Variants in CCDC180 observed in about 807,000 individuals in gnomAD.
The protein encoded by CCDC180 is coiled-coil domain containing 180, also known as coiled-coil domain-containing protein 180.
Under a neutral mutation model 209.2 loss-of-function variants are expected in CCDC180, and 154 were observed. The observed-to-expected ratio is 0.74, with a 90% confidence interval of 0.65 to 0.84. The LOEUF is 0.84. Among genes scored for constraint, CCDC180 ranks in the 40% least tolerant of loss-of-function variants. The pLI is 0.00. For synonymous variants in CCDC180, 778 were observed against 749.1 expected, an observed-to-expected ratio of 1.04 and a Z score of -0.63; for missense variants, 1,874 against 1,997.3, an observed-to-expected ratio of 0.94 and a Z score of 1.18.
rs80117659 is a variant in CCDC180 at position 97,343,582 on chromosome 9, T to C, written c.2498+19T>C. The C allele has an allele frequency of 6.5e-7, 1 of 1,533,084 alleles. No individual in the cohort carries two copies. Among genetic ancestry groups the C allele is most frequent in the Admixed American group, 1.7e-5 (1 of 59,658 alleles). The allele number at this position is 1,533,084 out of a possible 1,614,324, so 95.0% of individuals were successfully genotyped here. On this transcript the variant is annotated intron_variant, in intron 19 of 36. Coordinates refer to ENST00000529487, the MANE Select transcript of CCDC180 (RefSeq NM_020893.6). ...AGAAACAGTGAGTAAAAAACTATTTTATTCTCATCCTGTTGTTCTGAGTTT... is the reference window on the plus strand; with the variant it reads ...AGAAACAGTGAGTAAAAAACTATTTCATTCTCATCCTGTTGTTCTGAGTTT...
At chr9:97,324,055 C>G in intron 13 of CCDC180, 152 bp downstream of exon 13, 1 of 866,942 alleles carries the variant, frequency 1.2e-6, no homozygotes, top group Admixed American at 2.9e-5. Context: ...AGCCCCCTTA[C>G]GCTGGCCACT....
At position 97,317,211 on chromosome 9, in the gene CCDC180, C is replaced by T; in HGVS notation, c.942C>T (p.Ala314=). 6.2e-7 allele frequency: 1 copy of T among 1,600,608 alleles called. No homozygotes were observed. Among genetic ancestry groups the T allele is most frequent in the Non-Finnish European group, 8.5e-7 (1 of 1,170,082 alleles). The part of the protein sequence containing the change: ...VDTWKALKKE[A]LLQSFSEFMA... ...CCTGGAAGGCTCTCAAGAAGGAGGC[C>T]CTGCTGCAGAGTTTCAGGTCAGTGC... is the stretch of plus-strand genomic sequence containing the variant. The change falls in exon 9 of 37, where the codon GCC becomes GCT. Residue 314 remains alanine, a synonymous_variant. Coordinates refer to ENST00000529487, the MANE Select transcript of CCDC180 (RefSeq NM_020893.6).
chr9:97,362,515 C>T lies in CCDC180; in HGVS notation c.3902+74C>T, dbSNP rs953053077. The T allele has an allele frequency of 3.9e-6, 6 of 1,549,286 alleles. No homozygotes were observed. In the South Asian group the frequency reaches 7.5e-5, roughly 19 times the overall value. On this transcript the variant is annotated intron_variant, in intron 28 of 36. Coordinates refer to ENST00000529487, the MANE Select transcript of CCDC180 (RefSeq NM_020893.6). ...CACAAAGGCAGGAGATGACCTATGG[C>T]TTTCCCAGGCTTTTCCTCAGAAGGC...
At chr9:97,337,428 G>T (rs10981680) in intron 18 of CCDC180, among the ~76,000 whole-genome samples, 82,730 of 151,480 alleles carry the variant, frequency 0.55, 23,956 homozygotes, top group African/African-American at 0.73. Flanking sequence ...AATCATGTGG[G>T]TTTTGTCTTT....
At chr9:97,337,788 G>A (rs564684392) in intron 18 of CCDC180, among the ~76,000 whole-genome samples, 47 of 152,216 alleles carry the variant, frequency 3.1e-4, no homozygotes, top group African/African-American at 1.1e-3. Context: ...GAATCCATCT[G>A]GTCCTGGACA....
chr9:97,320,276 A>C, intron 11 of CCDC180, 71 bp downstream of exon 11: 3 of 1,373,798 alleles, frequency 2.2e-6, no homozygotes, highest in Non-Finnish European at 3.1e-6. Flanking sequence ...GCTGAAGCTC[A>C]GCCAAATGAG....
At chr9:97,374,326 G>A (rs1446695636) in intron 34 of CCDC180, 6 of 540,592 alleles carry the variant, frequency 1.1e-5, no homozygotes, top group African/African-American at 3.8e-5. Flanking sequence ...CCACACCACC[G>A]CTTAGATTCC....
At chr9:97,337,571 T>G (rs1564160127) in intron 18 of CCDC180, among the ~76,000 whole-genome samples, 1 of 152,218 alleles carries the variant, frequency 6.6e-6, no homozygotes, top group Non-Finnish European at 1.5e-5. Context: ...TTGCCAGTAT[T>G]TTATTGAGGA....
At chr9:97,331,951 CT>C (rs1411121878) in intron 18 of CCDC180, among the ~76,000 whole-genome samples, 1 of 152,168 alleles carries the variant, frequency 6.6e-6, no homozygotes, top group Non-Finnish European at 1.5e-5. Flanking sequence ...CTTTTGGCAT[CT>C]TCATCATGAA....
intron 10 of CCDC180, among the ~76,000 whole-genome samples, chr9:97,319,562 T>G (rs2118594103): frequency 6.6e-6 from 1 of 152,324 alleles, no homozygotes; most frequent in Admixed American, 6.5e-5. Context: ...TAGCTCCCAC[T>G]TGTGAGAAGC....
At chr9:97,346,080 T>G (rs1395850344) in intron 19 of CCDC180, among the ~76,000 whole-genome samples, 1 of 152,210 alleles carries the variant, frequency 6.6e-6, no homozygotes, top group Non-Finnish European at 1.5e-5. Flanking sequence ...TTCACTTCTT[T>G]CCCATACAGA....
rs756264154 is a variant in CCDC180 at position 97,314,642 on chromosome 9, GTGGCCGGGCGGTTAC to G, written c.616_630del (p.Ala206_Leu210del). ...GGCCCTGCTGGAGCTGTGGGATAAG[GTGGCCGGGCGGTTAC>G]TGCTCCGGAAGCAGGAGATTAAGGA... On this transcript the variant is annotated inframe_deletion, in exon 7 of 37. Coordinates refer to ENST00000529487, the MANE Select transcript of CCDC180 (RefSeq NM_020893.6). 6.2e-7 allele frequency: 1 copy of G among 1,614,084 alleles called. No individual in the cohort carries two copies. The highest frequency in any genetic ancestry group is 2.2e-5 in the East Asian group (1 of 44,872).
Position 97,371,703 on chromosome 9 carries a change from G to A in CCDC180, c.4597G>A (p.Ala1533Thr). ...EVVTIDDVQV[A>T]RMEPPKQKLS... ...GGTCACCATTGACGATGTCCAGGTT[G>A]CAAGTAAGAGGCACCACCAGCCTTG... is the stretch of plus-strand genomic sequence containing the variant. Residue 1533 changes from alanine to threonine, a missense_variant, in exon 34 of 37, where the codon GCA (alanine) becomes ACA (threonine). Physicochemically the swap from Ala to Thr is moderately conservative, Grantham distance 58. Transcript: ENST00000529487. 1 of 1,584,696 alleles carries A rather than the reference G, an allele frequency of 6.3e-7. No homozygotes were observed. Among genetic ancestry groups the A allele is most frequent in the Non-Finnish European group, 8.6e-7 (1 of 1,156,280 alleles).
chr9:97,330,307 GTT>G lies in CCDC180; in HGVS notation c.1829-13_1829-12del, dbSNP rs1825696936. Reference sequence around the variant, plus strand: ...AAATTGTCTCTCCTTGTGCTTTGGTGTTTATCATCAACAGAAGCACATGAAAA... The same window carrying G: ...AAATTGTCTCTCCTTGTGCTTTGGTGTATCATCAACAGAAGCACATGAAAA... On this transcript the variant is annotated splice_polypyrimidine_tract_variant and intron_variant, in intron 17 of 36. Coordinates refer to ENST00000529487, the MANE Select transcript of CCDC180 (RefSeq NM_020893.6). The G allele has an allele frequency of 6.2e-7, 1 of 1,612,698 alleles. No individual in the cohort carries two copies. Among genetic ancestry groups the G allele is most frequent in the Non-Finnish European group, 8.5e-7 (1 of 1,179,284 alleles).
chr9:97,323,048 A>C, intron 12 of CCDC180, 127 bp downstream of exon 12: 2 of 678,636 alleles, frequency 2.9e-6, no homozygotes, highest in Non-Finnish European at 5.1e-6. Context: ...CACACCCTTT[A>C]GCCTCCATCC....
intron 22 of CCDC180, among the ~76,000 whole-genome samples, chr9:97,353,244 G>A (rs367686819): frequency 1.3e-5 from 2 of 152,160 alleles, no homozygotes; most frequent in South Asian, 2.1e-4. Flanking sequence ...TGATCCACCC[G>A]CCTCGGCCTC....
In CCDC180 at chr9:97,330,571, T is replaced by C; in HGVS notation, c.2078T>C (p.Leu693Pro). The change falls in exon 18 of 37, where the codon CTG becomes CCG. Residue 693 changes from leucine (L) to proline (P), a missense_variant. By Grantham distance (98) the Leu-to-Pro change is moderately conservative. Coordinates refer to ENST00000529487, the MANE Select transcript of CCDC180 (RefSeq NM_020893.6). ...TCCAAAGAAGGCTCTATTCAGGGAC[T>C]GGAAGAAATGCAGGTTGAAAGAGAG... Reference protein sequence around the residue: ...DESKEGSIQGLEEMQVEREGS... With the variant: ...DESKEGSIQGPEEMQVEREGS... 2 of 1,614,042 alleles carry C rather than the reference T, an allele frequency of 1.2e-6. No homozygotes were observed. Among genetic ancestry groups the C allele is most frequent in the East Asian group, 4.5e-5 (2 of 44,874 alleles).
At chr9:97,307,647 A>G (rs1832837620), upstream of CCDC180, 1 of 1,303,172 alleles carries the variant, frequency 7.7e-7, no homozygotes, top group East Asian at 2.3e-5. Flanking sequence ...TTCCAGTCCC[A>G]ACCGACACCT....
intron 26 of CCDC180, 75 bp downstream of exon 26, chr9:97,360,176 A>T: frequency 6.4e-7 from 1 of 1,555,080 alleles, no homozygotes; most frequent in Non-Finnish European, 8.7e-7. Flanking sequence ...TGCAGGGCTC[A>T]GTAGAGCCAA....
Sources: allele counts gnomAD v4.1 joint callset (sites outside exome capture counted in the v4.1 genomes callset), GRCh38; gene constraint gnomAD v4.1.1; transcripts MANE v1.5; gene names NCBI Gene and HGNC (gene_info 2026-07-23, HGNC 2026-07-21).